The following ZNF521 variants were observed in gnomAD, a reference collection of about 807,000 sequenced individuals.
The protein encoded by ZNF521 is zinc finger protein 521, also known as LYST-interacting protein 3.
Under a neutral mutation model 105.5 loss-of-function variants are expected in ZNF521, and 14 were observed. That is an observed-to-expected ratio of 0.13 (90% CI 0.09 to 0.21). ZNF521 has a LOEUF of 0.21. Among genes scored for constraint, ZNF521 ranks in the 10% least tolerant of loss-of-function variants. ZNF521 has a pLI of 1.00. For synonymous variants in ZNF521, 635 were observed against 606.0 expected, an observed-to-expected ratio of 1.05 and a Z score of -0.70; for missense variants, 1,233 against 1,629.7, an observed-to-expected ratio of 0.76 and a Z score of 4.19.
intron 5 of ZNF521, among the ~76,000 whole-genome samples, chr18:25,166,155 A>T (rs560704664): frequency 6.6e-6 from 1 of 152,212 alleles, no homozygotes. Flanking sequence ...CACTTTCTCA[A>T]CACAATCTCT....
intron 5 of ZNF521, among the ~76,000 whole-genome samples, chr18:25,164,041 A>G (rs989352214): frequency 3.9e-5 from 6 of 152,210 alleles, no homozygotes; most frequent in African/African-American, 1.4e-4. Context: ...TAAAATAGGA[A>G]TTAAACATAG....
chr18:25,141,783 G>A (rs1426575658), intron 5 of ZNF521, among the ~76,000 whole-genome samples: 10 of 151,816 alleles, frequency 6.6e-5, no homozygotes, highest in Admixed American at 5.3e-4. Context: ...CAGCTTTTTC[G>A]GCAATACTCT....
At chr18:25,069,568 G>A (rs1241374065) in intron 7 of ZNF521, among the ~76,000 whole-genome samples, 1 of 152,072 alleles carries the variant, frequency 6.6e-6, no homozygotes, top group Non-Finnish European at 1.5e-5. Context: ...TATAATTCCT[G>A]GCTGAGGAAA....
At chr18:25,287,999 AT>A (rs1216108039) in intron 3 of ZNF521, among the ~76,000 whole-genome samples, 6 of 152,098 alleles carry the variant, frequency 3.9e-5, no homozygotes, top group Non-Finnish European at 7.4e-5. Flanking sequence ...AATTCTTATG[AT>A]TTTTTTTCCT....
At chr18:25,132,521 AT>A (rs2034659637) in intron 5 of ZNF521, among the ~76,000 whole-genome samples, 2 of 152,108 alleles carry the variant, frequency 1.3e-5, no homozygotes, top group South Asian at 4.1e-4. Context: ...ATATGAAACT[AT>A]TTTTTAATGT....
rs181906278 is a variant in ZNF521, at chr18:25,103,044, G to A, written c.3659-10963C>T. 2.4e-4 allele frequency among the ~76,000 whole-genome samples: 36 copies of A among 152,216 alleles called. No individual in the cohort carries two copies. In the East Asian group the frequency reaches 5.4e-3, roughly 23 times the overall value. On this transcript the variant is annotated intron_variant, in intron 5 of 7. Coordinates refer to ENST00000361524, the MANE Select transcript of ZNF521 (RefSeq NM_015461.3). ...TGAAAGCTTTTCTTCTCCTTTTAGGGAAGGGAAGCCTAAGTTGATGTGATG... is the reference window on the plus strand; with the variant it reads ...TGAAAGCTTTTCTTCTCCTTTTAGGAAAGGGAAGCCTAAGTTGATGTGATG...
chr18:25,065,097 T>C (rs1239161876), intron 7 of ZNF521, among the ~76,000 whole-genome samples: 2 of 152,198 alleles, frequency 1.3e-5, no homozygotes, highest in African/African-American at 4.8e-5. Context: ...CAATAAAAGT[T>C]TGATTACTCA....
intron 3 of ZNF521, among the ~76,000 whole-genome samples, chr18:25,244,074 C>G (rs1804780793): frequency 6.6e-6 from 1 of 152,150 alleles, no homozygotes; most frequent in Admixed American, 6.5e-5. Context: ...TCTCCCCAAG[C>G]TGAGTCCTTG....
intron 3 of ZNF521, among the ~76,000 whole-genome samples, chr18:25,228,167 A>G (rs1906301137): frequency 6.6e-6 from 1 of 152,250 alleles, no homozygotes; most frequent in Admixed American, 6.5e-5. Context: ...TTAATAAAAA[A>G]TTCCCTCTGC....
intron 5 of ZNF521, among the ~76,000 whole-genome samples, chr18:25,126,000 T>C (rs1295322876): frequency 2.6e-5 from 4 of 152,048 alleles, no homozygotes; most frequent in Non-Finnish European, 4.4e-5. Flanking sequence ...CTCATAAATG[T>C]TATGTTTGCC....
At chr18:25,113,522 C>G (rs1214015573) in intron 5 of ZNF521, among the ~76,000 whole-genome samples, 1 of 151,940 alleles carries the variant, frequency 6.6e-6, no homozygotes, top group African/African-American at 2.4e-5. Context: ...TATCAGAATG[C>G]TTTAGTGCTA....
At chr18:25,338,564 C>T (rs7229592) in intron 2 of ZNF521, among the ~76,000 whole-genome samples, 68,775 of 151,364 alleles carry the variant, frequency 0.45, 15,917 homozygotes, top group Middle Eastern at 0.51. Context: ...AGGCATGTGC[C>T]ACCACGCCAA....
intron 4 of ZNF521, among the ~76,000 whole-genome samples, chr18:25,213,056 A>G (rs562213208): frequency 6.6e-6 from 1 of 151,496 alleles, no homozygotes; most frequent in African/African-American, 2.4e-5. Flanking sequence ...TTTTGATTTT[A>G]TCTTAGCTTA....
chr18:25,097,279 C>T (rs2033872071), intron 5 of ZNF521, among the ~76,000 whole-genome samples: 1 of 152,106 alleles, frequency 6.6e-6, no homozygotes. Flanking sequence ...TTATATACAG[C>T]ACATGTTTCA....
At chr18:25,151,143 A>T (rs2035040735) in intron 5 of ZNF521, among the ~76,000 whole-genome samples, 1 of 152,050 alleles carries the variant, frequency 6.6e-6, no homozygotes, top group Non-Finnish European at 1.5e-5. Context: ...AAGCCTCTTC[A>T]TCGCCCTAAA....
In ZNF521 at chr18:25,225,490, T is replaced by C. The variant is rs1328774021; in HGVS notation, c.2428A>G (p.Asn810Asp). The change falls in exon 4 of 8, where the codon AAC becomes GAC. Residue 810 changes from asparagine (N) to aspartate (D), a missense_variant. Around this residue, in one of 6 missense-constraint regions of ZNF521, gnomAD observed 614 missense variants for 751.5 expected, o/e 0.82. Coordinates refer to ENST00000361524, the MANE Select transcript of ZNF521 (RefSeq NM_015461.3). The surrounding 1 kb of genome is among the most constrained non-coding windows in gnomAD (Gnocchi z 5.6). The part of the protein sequence containing the change: ...CHITTHSKKY[N>D]CKFCSKAFHA... The stretch of plus-strand genomic sequence containing the variant: ...AAGGCTTTGCTACAGAACTTGCAGT[T>C]GTACTTCTTACTGTGAGTGGTGATG... The C allele has an allele frequency of 1.2e-6, 2 of 1,614,224 alleles. No individual in the cohort carries two copies. Among genetic ancestry groups the C allele is most frequent in the Admixed American group, 1.7e-5 (1 of 60,032 alleles).
chr18:25,274,772 G>A (rs537872325), intron 3 of ZNF521, among the ~76,000 whole-genome samples: 5 of 152,348 alleles, frequency 3.3e-5, no homozygotes, highest in South Asian at 4.1e-4. Flanking sequence ...GAAATAAGAT[G>A]TTGTGTCTAG....
chr18:25,333,432 A>G (rs151208472), intron 2 of ZNF521, among the ~76,000 whole-genome samples: 74 of 152,154 alleles, frequency 4.9e-4, no homozygotes, highest in Admixed American at 5.2e-4. Flanking sequence ...AGAGAATAAT[A>G]AGGAAAATAA....
At chr18:25,187,348 A>T (rs1410077267) in intron 5 of ZNF521, among the ~76,000 whole-genome samples, 4 of 152,276 alleles carry the variant, frequency 2.6e-5, no homozygotes, top group Middle Eastern at 3.4e-3. Flanking sequence ...AACTTAAACG[A>T]TACAATTTCT....
Sources: gnomAD v4.1 joint callset for allele counts (sites outside exome capture counted in the v4.1 genomes callset) on GRCh38, gnomAD v4.1.1 for gene constraint, gnomAD v4.1.1 regional missense constraint, Gnocchi (gnomAD v3.1) non-coding constraint, MANE v1.5 for transcripts, NCBI Gene and HGNC (gene_info 2026-07-23, HGNC 2026-07-21) for gene names.